The following MAML2 variants were observed in gnomAD, a reference collection of about 807,000 sequenced individuals.
MAML2 encodes the protein mastermind like transcriptional coactivator 2.
Under a neutral mutation model 96.1 loss-of-function variants are expected in MAML2, and 22 were observed. That is an observed-to-expected ratio of 0.23 (90% CI 0.16 to 0.33). MAML2 has a LOEUF of 0.33. MAML2 is among the 10% of genes least tolerant of loss of function. MAML2 has a pLI of 1.00. For synonymous variants in MAML2, 561 were observed against 521.3 expected (o/e 1.08, Z -1.04); for missense variants, 1,367 against 1,392.4 (o/e 0.98, Z 0.29).
At chr11:96,134,576 G>A (rs1187091839) in intron 1 of MAML2, among the ~76,000 whole-genome samples, 1 of 152,194 alleles carries the variant, frequency 6.6e-6, no homozygotes, top group African/African-American at 2.4e-5. Context: ...AGTCAAAGAA[G>A]TTTTGCTGTA....
rs74401267 is a variant in MAML2 at position 96,066,338 on chromosome 11, C to A, written c.2139+25554G>T. Among the ~76,000 whole-genome samples, 1,499 of 152,336 alleles carry A rather than the reference C, an allele frequency of 9.8e-3. 24 individuals are homozygous for A. The highest frequency in any genetic ancestry group is 0.034 in the African/African-American group (1,415 of 41,564). ...CTGAGGGCACAAGGCAGAGCCCCAT[C>A]TTTGTCCAGGGGAGGACAGAAGCTC... On this transcript the variant is annotated intron_variant, in intron 2 of 4. Coordinates refer to ENST00000524717, the MANE Select transcript of MAML2 (RefSeq NM_032427.4).
intron 1 of MAML2, among the ~76,000 whole-genome samples, chr11:96,251,799 T>C (rs1017181240): frequency 2.0e-5 from 3 of 151,904 alleles, no homozygotes; most frequent in African/African-American, 7.3e-5. Flanking sequence ...TGACGCGATC[T>C]TGGCTCACTG....
At chr11:96,266,103 T>G (rs1370346315) in intron 1 of MAML2, among the ~76,000 whole-genome samples, 1 of 152,144 alleles carries the variant, frequency 6.6e-6, no homozygotes, top group African/African-American at 2.4e-5. Flanking sequence ...GCCCTGGTGT[T>G]GGAGCCCCAC....
At chr11:96,288,813 C>T (rs1320996499) in intron 1 of MAML2, among the ~76,000 whole-genome samples, 2 of 152,104 alleles carry the variant, frequency 1.3e-5, no homozygotes, top group Non-Finnish European at 2.9e-5. Flanking sequence ...TTCTACTATA[C>T]ATTAAATTAA....
chr11:96,141,583 C>A (rs79159369), intron 1 of MAML2, among the ~76,000 whole-genome samples: 5 of 152,058 alleles, frequency 3.3e-5, no homozygotes, highest in Non-Finnish European at 5.9e-5. Flanking sequence ...GGGATGAGAG[C>A]CAAGGTAAAT....
chr11:96,304,061 GTTTGATC>G (rs1863430438), intron 1 of MAML2, among the ~76,000 whole-genome samples: 1 of 152,096 alleles, frequency 6.6e-6, no homozygotes, highest in Non-Finnish European at 1.5e-5. Context: ...ATTCAGCACC[GTTTGATC>G]TTTGATCATC....
chr11:96,239,572 G>GTTTCT (rs5793792), intron 1 of MAML2, among the ~76,000 whole-genome samples: 140,777 of 151,866 alleles, frequency 0.93, 65,407 homozygotes, highest in African/African-American at 0.97. Flanking sequence ...TGTATCTTGA[G>GTTTCT]TTTATGTTTT....
At chr11:96,162,256 T>G (rs1352001149) in intron 1 of MAML2, among the ~76,000 whole-genome samples, 1 of 151,368 alleles carries the variant, frequency 6.6e-6, no homozygotes. Flanking sequence ...TTTTTTTTTT[T>G]TTTTAATTCA....
At chr11:96,047,420 T>G (rs1237934230) in intron 2 of MAML2, among the ~76,000 whole-genome samples, 1 of 152,180 alleles carries the variant, frequency 6.6e-6, no homozygotes, top group East Asian at 1.9e-4. Flanking sequence ...ATCCTCTTCT[T>G]TAAGTGGGGT....
chr11:96,238,430 G>A (rs1471217463), intron 1 of MAML2, among the ~76,000 whole-genome samples: 1 of 152,210 alleles, frequency 6.6e-6, no homozygotes, highest in African/African-American at 2.4e-5. Flanking sequence ...TAATTTGTGA[G>A]ACCAGAGAAA....
intron 1 of MAML2, among the ~76,000 whole-genome samples, chr11:96,120,295 C>T (rs574346845): frequency 1.3e-5 from 2 of 152,202 alleles, no homozygotes; most frequent in Non-Finnish European, 2.9e-5. Flanking sequence ...GATGCAACAG[C>T]TGAGTAGAGG....
chr11:96,196,613 C>T (rs1861735402), intron 1 of MAML2, among the ~76,000 whole-genome samples: 1 of 152,190 alleles, frequency 6.6e-6, no homozygotes, highest in African/African-American at 2.4e-5. Context: ...ACAGGGGATG[C>T]CCCCTCCCCA....
At position 96,310,759 on chromosome 11, in the gene MAML2, G is replaced by A. The variant is rs1313872590; in HGVS notation, c.513+30624C>T. Among the ~76,000 whole-genome samples, 8 of 152,134 alleles carry A rather than the reference G, an allele frequency of 5.3e-5. No individual in the cohort carries two copies. In the East Asian group the frequency reaches 1.2e-3, roughly 22 times the overall value. ...TCTCTGAGCCTCAGTCTCCCCAGGT[G>A]TAAAAAGGGAAAATATGGTCAACTC... is the stretch of plus-strand genomic sequence containing the variant. On this transcript the variant is annotated intron_variant, in intron 1 of 4. Coordinates refer to ENST00000524717, the MANE Select transcript of MAML2 (RefSeq NM_032427.4).
chr11:96,161,043 C>G (rs1490608923), intron 1 of MAML2, among the ~76,000 whole-genome samples: 1 of 152,194 alleles, frequency 6.6e-6, no homozygotes, highest in East Asian at 1.9e-4. Context: ...ACCTCAATTT[C>G]TGCCAGGGGA....
In MAML2 at chr11:95,987,737, A is replaced by G. The variant is rs150196929; in HGVS notation, c.2344-2095T>C. Among the ~76,000 whole-genome samples the G allele has an allele frequency of 3.6e-3, 547 of 152,342 alleles. 9 individuals carry two copies. The highest frequency in any genetic ancestry group is 0.013 in the African/African-American group (529 of 41,574). On this transcript the variant is annotated intron_variant, in intron 3 of 4. Coordinates refer to ENST00000524717, the MANE Select transcript of MAML2 (RefSeq NM_032427.4). ...AACCAAATTTAAATTCTTGTTGCTA[A>G]GAAAAAGGCTTGAAAGACACAGTTT...
intron 1 of MAML2, among the ~76,000 whole-genome samples, chr11:96,122,497 G>GGTGTGTGTGTGTGTGT (rs67940033): frequency 7.4e-6 from 1 of 135,682 alleles, no homozygotes. Context: ...TTTTAGGCTG[G>GGTGTGTGTGTGTGTGT]GTGTGTGTGT....
intron 2 of MAML2, among the ~76,000 whole-genome samples, chr11:96,008,057 G>A (rs961773999): frequency 2.0e-5 from 3 of 151,058 alleles, no homozygotes; most frequent in Non-Finnish European, 2.9e-5. Flanking sequence ...GTGAAATGAC[G>A]AATATCAATA....
intron 1 of MAML2, among the ~76,000 whole-genome samples, chr11:96,190,545 G>A (rs1169685603): frequency 6.6e-6 from 1 of 152,184 alleles, no homozygotes; most frequent in Non-Finnish European, 1.5e-5. Context: ...AAGACTTTGT[G>A]TTGATGACTT....
At chr11:96,037,935 G>A (rs1240064190) in intron 2 of MAML2, among the ~76,000 whole-genome samples, 1 of 152,122 alleles carries the variant, frequency 6.6e-6, no homozygotes, top group Non-Finnish European at 1.5e-5. Context: ...CTAAAATTAG[G>A]CAGGGTGGGG....
Sources: allele counts gnomAD v4.1 joint callset (sites outside exome capture counted in the v4.1 genomes callset), GRCh38; gene constraint gnomAD v4.1.1; transcripts MANE v1.5; gene names NCBI Gene and HGNC (gene_info 2026-07-23, HGNC 2026-07-21).